TSC22D2: variants seen among roughly 807,000 people sequenced by gnomAD.
TSC22D2 encodes TSC22 domain family protein 2.
Under a neutral mutation model 50.1 loss-of-function variants are expected in TSC22D2, and 5 were observed. The observed-to-expected ratio is 0.10, with a 90% CI of 0.05 to 0.21. The LOEUF (loss-of-function observed/expected upper bound fraction) is 0.21, where lower values mean the gene tolerates loss of function less well. TSC22D2 is among the 10% of genes least tolerant of loss of function. TSC22D2 has a pLI of 1.00. For missense variants in TSC22D2, 1,003 were observed against 1,015.5 expected, an observed-to-expected ratio of 0.99 and a Z score of 0.17; for synonymous variants, 501 against 450.1, an observed-to-expected ratio of 1.11 and a Z score of -1.43.
intron 1 of TSC22D2, 148 bp downstream of exon 1, chr3:150,411,456 T>C (rs905776505): frequency 2.4e-6 from 2 of 831,656 alleles, no homozygotes; most frequent in African/African-American, 3.4e-5. Context: ...TTTAGATTGC[T>C]GATGCTGATG....
At chr3:150,416,481 T>G (rs1719807514) in intron 1 of TSC22D2, among the ~76,000 whole-genome samples, 2 of 152,220 alleles carry the variant, frequency 1.3e-5, no homozygotes, top group South Asian at 4.1e-4. Context: ...GGTTTTTCTT[T>G]ATACTAAACC....
rs1721290007 is a variant in TSC22D2 at position 150,459,058 on chromosome 3, CATTT to C, written c.*427_*430del. The C allele has an allele frequency of 6.4e-6, 1 of 155,612 alleles. No homozygotes were observed. Among genetic ancestry groups the C allele is most frequent in the South Asian group, 2.0e-4 (1 of 4,936 alleles). The allele number at this position is 155,612 out of a possible 1,614,324, so 9.6% of individuals were successfully genotyped here. A position where few individuals can be genotyped will look rare whatever the true frequency, so the allele number is the denominator to read the frequency against. On this transcript the variant is annotated 3_prime_UTR_variant, in exon 3 of 3. Transcript: ENST00000688009. ...AGTAACATTTGCCTACATAAGTTTT[CATTT>C]ATTTGTGTTTTATTTATTACAGGGC... is the stretch of plus-strand genomic sequence containing the variant.
intron 1 of TSC22D2, among the ~76,000 whole-genome samples, chr3:150,431,911 G>C (rs1193180259): frequency 1.3e-5 from 2 of 152,142 alleles, no homozygotes; most frequent in Non-Finnish European, 2.9e-5. Flanking sequence ...GGAAAAAATA[G>C]TGTAATTTGA....
intron 1 of TSC22D2, among the ~76,000 whole-genome samples, chr3:150,441,383 A>G (rs1354663360): frequency 6.6e-6 from 1 of 152,158 alleles, no homozygotes; most frequent in African/African-American, 2.4e-5. Flanking sequence ...CTGTGATAGC[A>G]TTCCCTCCTG....
Position 150,410,012 on chromosome 3 carries a change from C to T in TSC22D2, c.662C>T (p.Thr221Ile), listed in dbSNP as rs1240585950. Residue 221 changes from threonine (T) to isoleucine (I), a missense_variant, in exon 1 of 3, where the codon ACC becomes ATC. Around this residue, in one of 6 missense-constraint regions of TSC22D2, gnomAD observed 696 missense variants for 647.8 expected, o/e 1.07. Coordinates refer to ENST00000688009, the MANE Select transcript of TSC22D2 (RefSeq NM_001303264.2). The part of the protein sequence containing the change: ...TAERDSGLGA[T>I]GGSVVVVVAS... ...GAGCGGGACAGCGGCCTGGGCGCCA[C>T]CGGAGGGTCGGTGGTGGTAGTAGTG... 6.2e-7 allele frequency: 1 copy of T among 1,613,516 alleles called. No individual in the cohort carries two copies. The highest frequency in any genetic ancestry group is 8.5e-7 in the Non-Finnish European group (1 of 1,180,032).
In TSC22D2 at chr3:150,462,311, A is replaced by C. The variant is rs1300260883; in HGVS notation, c.*3675A>C. On this transcript the variant is annotated 3_prime_UTR_variant, in exon 3 of 3. Coordinates refer to ENST00000688009, the MANE Select transcript of TSC22D2 (RefSeq NM_001303264.2). ...CAGGCAGGCAGTGACTTCCCCACTG[A>C]CCTAGTATTTTGGCATCTATTCAGA... The C allele has an allele frequency of 6.6e-6, 1 of 152,194 alleles. No homozygotes were observed. The highest frequency in any genetic ancestry group is 1.5e-5 in the Non-Finnish European group (1 of 68,054). 9.4% of individuals were successfully genotyped at this position (152,194 alleles called of 1,614,324 possible).
intron 1 of TSC22D2, among the ~76,000 whole-genome samples, chr3:150,415,739 C>T (rs545401664): frequency 6.6e-6 from 1 of 152,210 alleles, no homozygotes; most frequent in Admixed American, 6.5e-5. Context: ...TTGCTTGAGC[C>T]CAGGAGCTGG....
intron 1 of TSC22D2, among the ~76,000 whole-genome samples, chr3:150,448,167 A>G (rs1418107565): frequency 4.6e-5 from 7 of 152,162 alleles, no homozygotes; most frequent in African/African-American, 1.7e-4. Flanking sequence ...CTATTAAGAA[A>G]TAATGATTTC....
In TSC22D2 at chr3:150,411,029, C is replaced by T. The variant is rs1361136759; in HGVS notation, c.1679C>T (p.Pro560Leu). ...SSSIIQHVGL[P>L]LAPGTHSAPT... ...AGCATAATCCAGCATGTTGGGCTGC[C>T]CTTAGCGCCAGGCACACACAGCGCA... The change falls in exon 1 of 3, where the codon CCC becomes CTC. Residue 560 changes from proline to leucine, a missense_variant. By Grantham distance (98) the Pro-to-Leu change is moderately conservative. This residue lies in a region of TSC22D2 where 696 missense variants were observed against 647.8 expected (regional missense o/e 1.07). Coordinates refer to ENST00000688009, the MANE Select transcript of TSC22D2 (RefSeq NM_001303264.2). 2 of 1,614,202 alleles carry T rather than the reference C, an allele frequency of 1.2e-6. No homozygotes were observed. The highest frequency in any genetic ancestry group is 1.1e-5 in the South Asian group (1 of 91,086).
intron 1 of TSC22D2, among the ~76,000 whole-genome samples, chr3:150,430,690 A>AT (rs1396655317): frequency 6.6e-6 from 1 of 152,086 alleles, no homozygotes; most frequent in Non-Finnish European, 1.5e-5. Flanking sequence ...GCTAGTTGAG[A>AT]TTTAAGAATG....
chr3:150,453,379 C>G (rs1410856372), intron 1 of TSC22D2, among the ~76,000 whole-genome samples: 2 of 152,006 alleles, frequency 1.3e-5, no homozygotes, highest in Non-Finnish European at 2.9e-5. Context: ...ATCTTGATAC[C>G]CTCATTGAAA....
rs1393081666 is a variant in TSC22D2 at position 150,408,542 on chromosome 3, G to C, written c.-809G>C. ...CGGTCTGCCGCCGCCGCCCCTCTCTGAGAGAAGCCGCGAGGGGAGGCCGAG... is the reference window on the plus strand; with the variant it reads ...CGGTCTGCCGCCGCCGCCCCTCTCTCAGAGAAGCCGCGAGGGGAGGCCGAG... On this transcript the variant is annotated 5_prime_UTR_variant, in exon 1 of 3. Transcript: ENST00000688009. The C allele has an allele frequency of 1.3e-5, 2 of 152,046 alleles. No individual in the cohort carries two copies. The highest frequency in any genetic ancestry group is 2.9e-5 in the Non-Finnish European group (2 of 68,116). 9.4% of individuals were successfully genotyped at this position (152,046 alleles called of 1,614,324 possible).
intron 1 of TSC22D2, among the ~76,000 whole-genome samples, chr3:150,415,999 A>G (rs1190398774): frequency 2.0e-5 from 3 of 152,196 alleles, no homozygotes; most frequent in East Asian, 1.9e-4. Flanking sequence ...ACCCAAATAA[A>G]TCTGTTTCCT....
chr3:150,458,698 G>T lies in TSC22D2; in HGVS notation c.*62G>T. The stretch of plus-strand genomic sequence containing the variant: ...CAATCTATCCTTGTGTGCCACTGGT[G>T]TTCTTTCCACTTTATACGAAAGCAA... On this transcript the variant is annotated 3_prime_UTR_variant, in exon 3 of 3. Coordinates refer to ENST00000688009, the MANE Select transcript of TSC22D2 (RefSeq NM_001303264.2). The T allele has an allele frequency of 1.3e-6, 2 of 1,587,402 alleles. No individual in the cohort carries two copies. Among genetic ancestry groups the T allele is most frequent in the Non-Finnish European group, 1.7e-6 (2 of 1,166,716 alleles).
In TSC22D2 at chr3:150,458,674, A is replaced by C; in HGVS notation, c.*38A>C. On this transcript the variant is annotated 3_prime_UTR_variant, in exon 3 of 3. Coordinates refer to ENST00000688009, the MANE Select transcript of TSC22D2 (RefSeq NM_001303264.2). ...CCTCATTAAGAAAAAAACTGAAAGC[A>C]ATCTATCCTTGTGTGCCACTGGTGT... 1.2e-6 allele frequency: 2 copies of C among 1,607,742 alleles called. No homozygotes were observed.
rs1013866981 is a variant in TSC22D2 at position 150,466,076 on chromosome 3, G to A, written c.*7440G>A. ...AAGTATTAAGTATCAATGAAAAAGA[G>A]AGAGTCCTACATGTCCGGCATGGAA... is the stretch of plus-strand genomic sequence containing the variant. On this transcript the variant is annotated 3_prime_UTR_variant, in exon 3 of 3. Coordinates refer to ENST00000688009, the MANE Select transcript of TSC22D2 (RefSeq NM_001303264.2). 1 of 152,110 alleles carries A rather than the reference G, an allele frequency of 6.6e-6. No homozygotes were observed. Among genetic ancestry groups the A allele is most frequent in the Non-Finnish European group, 1.5e-5 (1 of 68,024 alleles). 9.4% of individuals were successfully genotyped at this position (152,110 alleles called of 1,614,324 possible).
chr3:150,438,278 C>A, intron 1 of TSC22D2: 3 of 405,182 alleles, frequency 7.4e-6, no homozygotes, highest in East Asian at 7.2e-5. Context: ...GTTGTGATGC[C>A]CTCACATGGT....
At chr3:150,419,330 A>G (rs1163987910) in intron 1 of TSC22D2, among the ~76,000 whole-genome samples, 1 of 152,066 alleles carries the variant, frequency 6.6e-6, no homozygotes, top group African/African-American at 2.4e-5. Context: ...TTGTTTTATT[A>G]CTTGGCACAC....
Position 150,410,298 on chromosome 3 carries a change from A to G in TSC22D2, c.948A>G (p.Gly316=). The G allele has an allele frequency of 6.4e-7, 1 of 1,565,068 alleles. No individual in the cohort carries two copies. Among genetic ancestry groups the G allele is most frequent in the Non-Finnish European group, 8.7e-7 (1 of 1,155,282 alleles). Residue 316 remains glycine (G), a synonymous_variant, in exon 1 of 3, where the codon GGA becomes GGG. Transcript: ENST00000688009. ...MAAAQPSQPQ[G]AGPGGQTLPP... Reference sequence around the variant, plus strand: ...CCGCGCAGCCCAGCCAGCCCCAGGGAGCGGGGCCCGGGGGACAGACTCTGC... The same window carrying G: ...CCGCGCAGCCCAGCCAGCCCCAGGGGGCGGGGCCCGGGGGACAGACTCTGC...
Sources: allele counts gnomAD v4.1 joint callset (sites outside exome capture counted in the v4.1 genomes callset), GRCh38; gene constraint gnomAD v4.1.1; regional missense constraint gnomAD v4.1.1; transcripts MANE v1.5; gene names NCBI Gene and HGNC (gene_info 2026-07-23, HGNC 2026-07-21).